The following PPP2R5E variants were observed in gnomAD, a reference collection of about 807,000 sequenced individuals.
PPP2R5E encodes protein phosphatase 2 regulatory subunit B'epsilon, also known as serine/threonine-protein phosphatase 2A 56 kDa regulatory subunit epsilon isoform.
Under a neutral mutation model 65.3 loss-of-function variants are expected in PPP2R5E, and 4 were observed. The ratio of observed to expected loss-of-function variants is 0.06; its 90% CI spans 0.03 to 0.14. The LOEUF is 0.14. Ranked by LOEUF, PPP2R5E falls within the 10% of genes least tolerant of loss-of-function variation. The pLI is 1.00. For missense variants in PPP2R5E, 274 were observed against 556.1 expected, an observed-to-expected ratio of 0.49 and a Z score of 5.10; for synonymous variants, 183 against 187.4, an observed-to-expected ratio of 0.98 and a Z score of 0.19.
intron 5 of PPP2R5E, among the ~76,000 whole-genome samples, chr14:63,400,779 TACCCAATCCACCC>T (rs899258134): frequency 9.5e-5 from 14 of 146,754 alleles, no homozygotes; most frequent in Non-Finnish European, 2.1e-4. Context: ...CTAATCCACC[TACCCAATCCACCC>T]ATCCACCCAT....
At chr14:63,432,839 A>G (rs1887747484) in intron 3 of PPP2R5E, among the ~76,000 whole-genome samples, 1 of 152,164 alleles carries the variant, frequency 6.6e-6, no homozygotes, top group South Asian at 2.1e-4. Context: ...ATCAAACAGT[A>G]AAAAGGATAA....
At chr14:63,498,966 G>A (rs1246952453) in intron 2 of PPP2R5E, among the ~76,000 whole-genome samples, 2 of 152,084 alleles carry the variant, frequency 1.3e-5, no homozygotes, top group East Asian at 1.9e-4. Context: ...AATTTATTGT[G>A]TGTCAGGTAC....
intron 2 of PPP2R5E, among the ~76,000 whole-genome samples, chr14:63,522,807 G>A (rs1266105754): frequency 6.6e-6 from 1 of 151,374 alleles, no homozygotes; most frequent in Non-Finnish European, 1.5e-5. Context: ...CGTCCAGGAA[G>A]GAGGTGGGGG....
At chr14:63,512,262 A>C (rs1413059694) in intron 2 of PPP2R5E, among the ~76,000 whole-genome samples, 1 of 152,180 alleles carries the variant, frequency 6.6e-6, no homozygotes, top group Non-Finnish European at 1.5e-5. Flanking sequence ...AGGAACAGTT[A>C]CGCTCTTTCC....
At chr14:63,498,675 T>A (rs1393730117) in intron 2 of PPP2R5E, among the ~76,000 whole-genome samples, 1 of 152,086 alleles carries the variant, frequency 6.6e-6, no homozygotes, top group African/African-American at 2.4e-5. Flanking sequence ...CCTCCCACCT[T>A]GGCTTAACAA....
At chr14:63,540,766 G>A (rs1166080772) in intron 1 of PPP2R5E, among the ~76,000 whole-genome samples, 1 of 151,232 alleles carries the variant, frequency 6.6e-6, no homozygotes, top group Non-Finnish European at 1.5e-5. Flanking sequence ...AAAGTCATAT[G>A]TTAACAGGAA....
At chr14:63,463,889 C>T (rs1889638576) in intron 2 of PPP2R5E, among the ~76,000 whole-genome samples, 1 of 152,122 alleles carries the variant, frequency 6.6e-6, no homozygotes, top group African/African-American at 2.4e-5. Context: ...AGCCATCGCG[C>T]CCGGCCGAAT....
intron 3 of PPP2R5E, among the ~76,000 whole-genome samples, chr14:63,448,300 A>T (rs1888616380): frequency 6.6e-6 from 1 of 152,076 alleles, no homozygotes; most frequent in Non-Finnish European, 1.5e-5. Context: ...CCATCTCAAA[A>T]ATAAATAAAT....
At chr14:63,450,949 T>C (rs1376603254) in intron 3 of PPP2R5E, among the ~76,000 whole-genome samples, 2 of 151,990 alleles carry the variant, frequency 1.3e-5, no homozygotes, top group Non-Finnish European at 2.9e-5. Flanking sequence ...GAGTGGGGAA[T>C]ACGTGAAAGT....
chr14:63,494,079 T>G (rs1891421100), intron 2 of PPP2R5E, among the ~76,000 whole-genome samples: 1 of 152,060 alleles, frequency 6.6e-6, no homozygotes, highest in South Asian at 2.1e-4. Context: ...ATAGACATAC[T>G]CCCCTATGTG....
chr14:63,410,270 G>A (rs940855608), intron 5 of PPP2R5E, among the ~76,000 whole-genome samples: 4 of 152,244 alleles, frequency 2.6e-5, no homozygotes, highest in South Asian at 2.1e-4. Flanking sequence ...CAGGGTAAAC[G>A]TCATCCTGAT....
chr14:63,464,795 A>G (rs10140710), intron 2 of PPP2R5E, among the ~76,000 whole-genome samples: 50,078 of 152,032 alleles, frequency 0.33, 10,984 homozygotes, highest in African/African-American at 0.62. Context: ...GGCCGAGGTG[A>G]GCGGATTACC....
chr14:63,470,010 T>G (rs771688054), intron 2 of PPP2R5E, among the ~76,000 whole-genome samples: 3 of 152,156 alleles, frequency 2.0e-5, no homozygotes, highest in Non-Finnish European at 4.4e-5. Flanking sequence ...GACAGATAAA[T>G]GTGGCAGTAG....
chr14:63,527,634 G>A (rs927181414), intron 2 of PPP2R5E, among the ~76,000 whole-genome samples: 1 of 152,070 alleles, frequency 6.6e-6, no homozygotes, highest in Admixed American at 6.6e-5. Context: ...AGAAAACCAA[G>A]GCTTAGAAGT....
chr14:63,443,426 TAGGAG>T (rs1024567996), intron 3 of PPP2R5E, among the ~76,000 whole-genome samples: 7 of 152,272 alleles, frequency 4.6e-5, no homozygotes, highest in Admixed American at 2.6e-4. Context: ...ACACTTTTTG[TAGGAG>T]AGAAGTGACA....
intron 4 of PPP2R5E, among the ~76,000 whole-genome samples, 161 bp from the exon 5 acceptor site, chr14:63,415,393 G>A (rs1019507967): frequency 9.2e-5 from 14 of 152,092 alleles, no homozygotes; most frequent in Admixed American, 2.6e-4. Flanking sequence ...CACAGTTGCT[G>A]TTATGCTTTC....
intron 7 of PPP2R5E, among the ~76,000 whole-genome samples, chr14:63,394,727 T>C (rs1484423975): frequency 3.3e-5 from 5 of 152,232 alleles, no homozygotes; most frequent in Non-Finnish European, 7.3e-5. Flanking sequence ...GTAATCATAT[T>C]GTCCAGCTAC....
At chr14:63,461,970 G>A (rs748838093) in intron 2 of PPP2R5E, among the ~76,000 whole-genome samples, 7 of 151,882 alleles carry the variant, frequency 4.6e-5, no homozygotes, top group Non-Finnish European at 8.8e-5. Context: ...CCAAGGGCCT[G>A]TATTTGGGGA....
intron 2 of PPP2R5E, among the ~76,000 whole-genome samples, chr14:63,482,110 C>CA (rs1890733989): frequency 6.6e-6 from 1 of 152,072 alleles, no homozygotes; most frequent in Admixed American, 6.5e-5. Context: ...AGAATCAATA[C>CA]AAAAAATACA....
Sources: allele counts gnomAD v4.1 joint callset (sites outside exome capture counted in the v4.1 genomes callset), GRCh38; gene constraint gnomAD v4.1.1; transcripts MANE v1.5; gene names NCBI Gene and HGNC (gene_info 2026-07-23, HGNC 2026-07-21).